The following CNIH3 variants were observed in gnomAD, a reference collection of about 807,000 sequenced individuals.
CNIH3 encodes cornichon family AMPA receptor auxiliary protein 3, also known as protein cornichon homolog 3.
Under a neutral mutation model 24.1 loss-of-function variants are expected in CNIH3, and 14 were observed. That is an observed-to-expected ratio of 0.58 (90% confidence interval 0.38 to 0.91). The LOEUF (loss-of-function observed/expected upper bound fraction) is 0.91. CNIH3 is among the 40% of genes least tolerant of loss of function. The pLI is 0.00. For missense variants in CNIH3, 178 were observed against 196.8 expected (o/e 0.90, Z 0.57); for synonymous variants, 68 against 73.8 (o/e 0.92, Z 0.40).
intron 1 of CNIH3, among the ~76,000 whole-genome samples, chr1:224,489,151 T>C (rs1265209475): frequency 6.6e-6 from 1 of 152,126 alleles, no homozygotes; most frequent in Non-Finnish European, 1.5e-5. Flanking sequence ...TTTTTTTTAA[T>C]GGTAGGCAGT....
chr1:224,574,824 G>T, intron 4 of CNIH3: 1 of 930,896 alleles, frequency 1.1e-6, no homozygotes, highest in Non-Finnish European at 1.8e-6. Flanking sequence ...GCCAGGTAAT[G>T]GTAATGTGGT....
intron 3 of CNIH3, among the ~76,000 whole-genome samples, chr1:224,707,661 C>T (rs886834508): frequency 3.3e-5 from 5 of 152,288 alleles, no homozygotes; most frequent in Admixed American, 3.3e-4. Flanking sequence ...AAGGCAGAAT[C>T]TCATGCCCCA....
intron 1 of CNIH3, among the ~76,000 whole-genome samples, chr1:224,465,186 C>T (rs979261655): frequency 1.3e-5 from 2 of 151,860 alleles, no homozygotes; most frequent in Non-Finnish European, 2.9e-5. Flanking sequence ...CTTGGCTCAC[C>T]GCAACCTCCA....
At chr1:224,626,106 G>T (rs771428577) in intron 1 of CNIH3, among the ~76,000 whole-genome samples, 1 of 152,150 alleles carries the variant, frequency 6.6e-6, no homozygotes, top group Non-Finnish European at 1.5e-5. Context: ...GACCTGGAGG[G>T]TCTTTAGAAA....
intron 1 of CNIH3, among the ~76,000 whole-genome samples, chr1:224,639,009 A>G (rs1684227503): frequency 6.6e-6 from 1 of 152,154 alleles, no homozygotes; most frequent in Non-Finnish European, 1.5e-5. Flanking sequence ...GGTGATATGT[A>G]TCTCTTGCTG....
upstream of CNIH3, chr1:224,615,585 G>A (rs1682919719): frequency 6.6e-6 from 1 of 152,122 alleles, no homozygotes; most frequent in African/African-American, 2.4e-5. Context: ...AAGAGGTTAG[G>A]TAACTTGCAG....
At chr1:224,514,927 C>G (rs1678318258), upstream of CNIH3, among the ~76,000 whole-genome samples, 1 of 152,202 alleles carries the variant, frequency 6.6e-6, no homozygotes, top group Non-Finnish European at 1.5e-5. Flanking sequence ...TGTGTGGAGC[C>G]TAGGCCAGAG....
At chr1:224,628,676 C>T (rs924192417) in intron 1 of CNIH3, among the ~76,000 whole-genome samples, 16 of 152,050 alleles carry the variant, frequency 1.1e-4, no homozygotes, top group African/African-American at 2.9e-4. Context: ...AGGCCCCCCA[C>T]GCCCAACCAT....
chr1:224,529,673 C>T (rs756070207), intron 2 of CNIH3, among the ~76,000 whole-genome samples: 1 of 152,114 alleles, frequency 6.6e-6, no homozygotes, highest in Non-Finnish European at 1.5e-5. Flanking sequence ...ATAGGACATA[C>T]AAGGTGGGGA....
At chr1:224,527,079 A>G (rs1232030979) in intron 2 of CNIH3, among the ~76,000 whole-genome samples, 3 of 152,188 alleles carry the variant, frequency 2.0e-5, no homozygotes, top group Non-Finnish European at 2.9e-5. Context: ...ATATCCGACA[A>G]TGTCACAGCC....
intron 3 of CNIH3, among the ~76,000 whole-genome samples, chr1:224,606,101 C>G (rs2125046227): frequency 6.6e-6 from 1 of 152,240 alleles, no homozygotes; most frequent in Admixed American, 6.5e-5. Flanking sequence ...GGAGTAAACA[C>G]TGTGTGGTCT....
chr1:224,599,462 T>C (rs1383950498), intron 3 of CNIH3, among the ~76,000 whole-genome samples: 3 of 152,168 alleles, frequency 2.0e-5, no homozygotes, highest in African/African-American at 7.2e-5. Context: ...ATTTAATAAA[T>C]AGAAACAACT....
intron 3 of CNIH3, among the ~76,000 whole-genome samples, chr1:224,610,759 G>A (rs116646831): frequency 7.2e-4 from 109 of 152,248 alleles, no homozygotes; most frequent in East Asian, 2.5e-3. Context: ...AGCAGGAATC[G>A]GTTAAGAATA....
intron 1 of CNIH3, among the ~76,000 whole-genome samples, chr1:224,662,957 A>G (rs1685432611): frequency 6.6e-6 from 1 of 152,172 alleles, no homozygotes; most frequent in African/African-American, 2.4e-5. Flanking sequence ...ACTCCAAAGA[A>G]CACTAGGGCC....
chr1:224,695,142 G>A (rs766352693), intron 3 of CNIH3, among the ~76,000 whole-genome samples: 3 of 152,132 alleles, frequency 2.0e-5, no homozygotes, highest in Non-Finnish European at 4.4e-5. Flanking sequence ...TTTCTTCTGT[G>A]GGTGGGCCTC....
At chr1:224,582,704 C>T (rs1681329537) in intron 4 of CNIH3, among the ~76,000 whole-genome samples, 1 of 152,114 alleles carries the variant, frequency 6.6e-6, no homozygotes, top group Non-Finnish European at 1.5e-5. Flanking sequence ...GAAGGTGTTC[C>T]AAATGCCTTC....
chr1:224,546,263 G>A (rs1679700700), intron 2 of CNIH3, among the ~76,000 whole-genome samples: 1 of 152,144 alleles, frequency 6.6e-6, no homozygotes, highest in East Asian at 1.9e-4. Context: ...CCCAATATAT[G>A]AAGTTATATC....
intron 3 of CNIH3, among the ~76,000 whole-genome samples, chr1:224,702,616 A>G (rs1687560642): frequency 6.6e-6 from 1 of 152,204 alleles, no homozygotes; most frequent in African/African-American, 2.4e-5. Context: ...CTCAGAGACC[A>G]GCTTTCTCAA....
At chr1:224,445,251 A>G (rs959976250) in intron 1 of CNIH3, among the ~76,000 whole-genome samples, 2 of 151,916 alleles carry the variant, frequency 1.3e-5, no homozygotes, top group African/African-American at 4.8e-5. Flanking sequence ...GCCTTTTCAA[A>G]TCTTTTGCTT....
Sources: gnomAD v4.1 joint callset for allele counts (sites outside exome capture counted in the v4.1 genomes callset) on GRCh38, gnomAD v4.1.1 for gene constraint, MANE v1.5 for transcripts, NCBI Gene and HGNC (gene_info 2026-07-23, HGNC 2026-07-21) for gene names.